ASTN2: variants seen among roughly 807,000 people sequenced by gnomAD.
The protein encoded by ASTN2 is astrotactin-2.
ASTN2 carries 54 observed loss-of-function variants against 139.8 expected under a neutral mutation model. The ratio of observed to expected loss-of-function variants is 0.39; its 90% CI spans 0.31 to 0.48. ASTN2 has a LOEUF of 0.48. ASTN2 is among the 20% of genes least tolerant of loss of function. The pLI is 0.95. For missense variants in ASTN2, 1,565 were observed against 1,725.1 expected, an observed-to-expected ratio of 0.91 and a Z score of 1.64; for synonymous variants, 756 against 719.5, an observed-to-expected ratio of 1.05 and a Z score of -0.81.
At chr9:116,632,205 A>AGAGAGAGAGAG (rs1554723308) in intron 17 of ASTN2, among the ~76,000 whole-genome samples, 1 of 45,302 alleles carries the variant, frequency 2.2e-5, no homozygotes, top group Non-Finnish European at 3.8e-5. Flanking sequence ...AGAAAGAAAG[A>AGAGAGAGAGAG]AAAGAAAGAA....
At chr9:116,691,588 G>T (rs1860567853) in intron 16 of ASTN2, among the ~76,000 whole-genome samples, 1 of 152,106 alleles carries the variant, frequency 6.6e-6, no homozygotes. Flanking sequence ...CGTTTTGTTT[G>T]CCCCAGACTG....
At chr9:116,626,352 A>T (rs576804019) in intron 17 of ASTN2, among the ~76,000 whole-genome samples, 5 of 151,706 alleles carry the variant, frequency 3.3e-5, no homozygotes, top group Non-Finnish European at 7.4e-5. Flanking sequence ...TTCAAGAAAA[A>T]TAGTGAACAA....
chr9:117,059,289 T>G (rs549566419), intron 5 of ASTN2, among the ~76,000 whole-genome samples: 1 of 152,302 alleles, frequency 6.6e-6, no homozygotes, highest in South Asian at 2.1e-4. Context: ...CTTCAACAGG[T>G]CATCTTACTG....
rs150746525 is a variant in ASTN2, at chr9:116,425,996, G to A, written c.3875C>T (p.Thr1292Ile). The A allele has an allele frequency of 1.3e-5, 21 of 1,614,136 alleles. No individual in the cohort carries two copies. In the African/African-American group the frequency reaches 2.7e-4, roughly 20 times the overall value. ...RSAYIQSRVETVPYLFCRSEE... is the reference protein window; with the variant it reads ...RSAYIQSRVEIVPYLFCRSEE... ...GCTGCGGCAGAAAAGATAGGGCACT[G>A]TTTCCACGCGGCTCTGGATGTAGGC... The change falls in exon 23 of 23, where the codon ACA (threonine) becomes ATA (isoleucine). Residue 1292 changes from threonine (T) to isoleucine (I), a missense_variant. By Grantham distance (89) the Thr-to-Ile change is moderately conservative. Coordinates refer to ENST00000313400, the MANE Select transcript of ASTN2 (RefSeq NM_001365068.1).
chr9:117,307,376 T>C (rs1442466502), intron 1 of ASTN2, among the ~76,000 whole-genome samples: 1 of 152,190 alleles, frequency 6.6e-6, no homozygotes, highest in Non-Finnish European at 1.5e-5. Flanking sequence ...ACACACACAT[T>C]CTATAAAACT....
chr9:116,666,859 G>A (rs758730730), intron 16 of ASTN2, among the ~76,000 whole-genome samples: 1 of 151,282 alleles, frequency 6.6e-6, no homozygotes, highest in Non-Finnish European at 1.5e-5. Flanking sequence ...AACAGCATGG[G>A]CAAAATTAAA....
chr9:117,092,131 G>A (rs1022824026), intron 5 of ASTN2, among the ~76,000 whole-genome samples: 2 of 152,168 alleles, frequency 1.3e-5, no homozygotes, highest in African/African-American at 4.8e-5. Context: ...ATGAAAAGGG[G>A]CAGAGCCATG....
chr9:116,504,207 A>G (rs1423897721), intron 19 of ASTN2: 1 of 152,202 alleles, frequency 6.6e-6, no homozygotes, highest in Non-Finnish European at 1.5e-5. Context: ...ATTTGTTAGA[A>G]CAAGACACTT....
At chr9:116,427,105 T>C (rs1847333325) in intron 22 of ASTN2, among the ~76,000 whole-genome samples, 1 of 152,138 alleles carries the variant, frequency 6.6e-6, no homozygotes, top group Non-Finnish European at 1.5e-5. Flanking sequence ...TGCAATCACC[T>C]AGTCCAGGGT....
At chr9:117,407,995 C>A (rs1191899931) in intron 1 of ASTN2, among the ~76,000 whole-genome samples, 1 of 152,134 alleles carries the variant, frequency 6.6e-6, no homozygotes, top group Admixed American at 6.5e-5. Context: ...CCACCCACCC[C>A]CAAAGGCAGC....
At chr9:116,804,440 C>T (rs1401116665) in intron 13 of ASTN2, among the ~76,000 whole-genome samples, 1 of 152,136 alleles carries the variant, frequency 6.6e-6, no homozygotes, top group Non-Finnish European at 1.5e-5. Flanking sequence ...TGGAAAGCTA[C>T]TCTAGATTTC....
chr9:117,306,386 G>T (rs927107545), intron 1 of ASTN2, among the ~76,000 whole-genome samples: 2 of 152,132 alleles, frequency 1.3e-5, no homozygotes, highest in African/African-American at 4.8e-5. Context: ...CAGGGATAGG[G>T]CTGGTGAGAA....
At chr9:116,636,633 G>A (rs1857087014) in intron 17 of ASTN2, among the ~76,000 whole-genome samples, 2 of 151,898 alleles carry the variant, frequency 1.3e-5, no homozygotes, top group Admixed American at 1.3e-4. Flanking sequence ...AGTGAGCTGA[G>A]ATTGCACACT....
At chr9:117,185,691 G>A (rs1039580019) in intron 3 of ASTN2, among the ~76,000 whole-genome samples, 2 of 152,176 alleles carry the variant, frequency 1.3e-5, no homozygotes, top group Non-Finnish European at 2.9e-5. Flanking sequence ...AGAGTCAGAG[G>A]CAGGCAGAGC....
chr9:117,040,466 C>A (rs960329210), intron 5 of ASTN2, among the ~76,000 whole-genome samples: 2 of 152,016 alleles, frequency 1.3e-5, no homozygotes, highest in Non-Finnish European at 2.9e-5. Flanking sequence ...CTTTCTTTTT[C>A]TTTTTTGTTT....
intron 13 of ASTN2, among the ~76,000 whole-genome samples, chr9:116,791,016 A>AAAGG (rs1564269118): frequency 3.1e-5 from 4 of 129,446 alleles, no homozygotes; most frequent in African/African-American, 5.7e-5. Flanking sequence ...AGAAAGAAAG[A>AAAGG]AAGAAAGAAA....
chr9:116,692,888 T>TTTA (rs1860643945), intron 16 of ASTN2, among the ~76,000 whole-genome samples: 1 of 152,142 alleles, frequency 6.6e-6, no homozygotes, highest in African/African-American at 2.4e-5. Context: ...CATTTCATAC[T>TTTA]TAGTCTCTGC....
intron 4 of ASTN2, among the ~76,000 whole-genome samples, chr9:117,138,844 T>C (rs1830010361): frequency 6.6e-6 from 1 of 152,202 alleles, no homozygotes; most frequent in African/African-American, 2.4e-5. Flanking sequence ...AGGGGAAACA[T>C]TTTAAAGTAA....
chr9:117,036,871 A>C (rs1218001739), intron 6 of ASTN2, among the ~76,000 whole-genome samples: 1 of 152,132 alleles, frequency 6.6e-6, no homozygotes, highest in African/African-American at 2.4e-5. Context: ...TGCTTGTTTC[A>C]CAACAGTCCT....
Sources: allele counts gnomAD v4.1 joint callset (sites outside exome capture counted in the v4.1 genomes callset), GRCh38; gene constraint gnomAD v4.1.1; transcripts MANE v1.5; gene names NCBI Gene and HGNC (gene_info 2026-07-23, HGNC 2026-07-21).